HSPA13: variants seen among roughly 807,000 people sequenced by gnomAD.
The protein encoded by HSPA13 is heat shock protein family A (Hsp70) member 13, also known as heat shock 70 kDa protein 13.
HSPA13 carries 29 observed loss-of-function variants against 38.8 expected under a neutral mutation model. The ratio of observed to expected loss-of-function variants is 0.75; its 90% CI spans 0.56 to 1.02. The LOEUF (loss-of-function observed/expected upper bound fraction) is 1.02, where lower values mean the gene tolerates loss of function less well. HSPA13 is among the 50% of genes least tolerant of loss of function. The pLI is 0.00. For synonymous variants in HSPA13, 192 were observed against 205.3 expected (o/e 0.94, Z 0.56); for missense variants, 451 against 560.9 (o/e 0.80, Z 1.98).
chr21:14,373,120 G>A lies in HSPA13; in HGVS notation c.*497C>T, dbSNP rs1982867174. On this transcript the variant is annotated 3_prime_UTR_variant, in exon 5 of 5. Coordinates refer to ENST00000285667, the MANE Select transcript of HSPA13 (RefSeq NM_006948.5). ...GCAGTTACTGAATATTACGTATGCA[G>A]CTTATGCTAATAATACTGCTATCTT... The A allele has an allele frequency of 1.3e-5, 2 of 154,004 alleles. No homozygotes were observed. The highest frequency in any genetic ancestry group is 4.8e-5 in the African/African-American group (2 of 41,444). 9.5% of individuals were successfully genotyped at this position (154,004 alleles called of 1,614,324 possible).
At chr21:14,381,954 T>G (rs1258175810) in intron 1 of HSPA13, among the ~76,000 whole-genome samples, 1 of 152,222 alleles carries the variant, frequency 6.6e-6, no homozygotes, top group Non-Finnish European at 1.5e-5. Context: ...TCGATTATCT[T>G]TTTTTAAAAG....
chr21:14,379,367 T>C (rs1984111370), intron 2 of HSPA13, among the ~76,000 whole-genome samples: 1 of 152,194 alleles, frequency 6.6e-6, no homozygotes, highest in Admixed American at 6.5e-5. Context: ...ATTATAAGAA[T>C]GTTTTCTCAC....
In HSPA13 at chr21:14,372,499, C is replaced by T. The variant is rs1168036509; in HGVS notation, c.*1118G>A. ...TCCACATTAGATTTCCACGTTACTT[C>T]CAGTATTCACAAATTTTTTGCTTTC... On this transcript the variant is annotated 3_prime_UTR_variant, in exon 5 of 5. Transcript: ENST00000285667. 1 of 152,088 alleles carries T rather than the reference C, an allele frequency of 6.6e-6. No individual in the cohort carries two copies. The highest frequency in any genetic ancestry group is 1.5e-5 in the Non-Finnish European group (1 of 67,958). The allele number at this position is 152,088 out of a possible 1,614,324, so 9.4% of individuals were successfully genotyped here.
chr21:14,375,630 C>A, intron 4 of HSPA13, 22 bp downstream of exon 4: 1 of 1,607,814 alleles, frequency 6.2e-7, no homozygotes, highest in Non-Finnish European at 8.5e-7. Flanking sequence ...CTGCGCCCAG[C>A]CTCTCCCTGC....
chr21:14,381,835 T>C (rs1480829874), intron 1 of HSPA13, among the ~76,000 whole-genome samples: 1 of 152,186 alleles, frequency 6.6e-6, no homozygotes, highest in Non-Finnish European at 1.5e-5. Context: ...ATTTCAATAA[T>C]ATTTGTGCAG....
rs1568720497 is a variant in HSPA13, at chr21:14,371,573, G to A, written c.*2044C>T. ...TTATTAAAGGTGTAGCTATATACTA[G>A]AGAATATGCTCAACTACTGCCTCCA... On this transcript the variant is annotated 3_prime_UTR_variant, in exon 5 of 5. Coordinates refer to ENST00000285667, the MANE Select transcript of HSPA13 (RefSeq NM_006948.5). 3.3e-5 allele frequency: 5 copies of A among 151,990 alleles called. No homozygotes were observed. The highest frequency in any genetic ancestry group is 1.3e-4 in the Admixed American group (2 of 15,252). 9.4% of individuals were successfully genotyped at this position (151,990 alleles called of 1,614,324 possible).
chr21:14,378,146 T>G, intron 3 of HSPA13, 53 bp downstream of exon 3: 2 of 1,430,840 alleles, frequency 1.4e-6, no homozygotes, highest in Non-Finnish European at 2.0e-6. Flanking sequence ...ACAGAAGGTT[T>G]TCAACCCAAC....
intron 1 of HSPA13, among the ~76,000 whole-genome samples, chr21:14,382,703 G>C (rs950569997): frequency 2.6e-5 from 4 of 152,096 alleles, no homozygotes; most frequent in African/African-American, 9.7e-5. Context: ...TCCCTGAGCC[G>C]ACAGATCCGG....
rs577649746 is a variant in HSPA13, at chr21:14,371,148, A to C, written c.*2469T>G. 6.6e-6 allele frequency: 1 copy of C among 152,654 alleles called. No homozygotes were observed. The highest frequency in any genetic ancestry group is 2.1e-4 in the South Asian group (1 of 4,834). 9.5% of individuals were successfully genotyped at this position (152,654 alleles called of 1,614,324 possible). Reference sequence around the variant, plus strand: ...ACAAACTGCAAAATGGTATTTATTTACATTAAAACATGAATTGCCTGTATA... The same window carrying C: ...ACAAACTGCAAAATGGTATTTATTTCCATTAAAACATGAATTGCCTGTATA... On this transcript the variant is annotated 3_prime_UTR_variant, in exon 5 of 5. Transcript: ENST00000285667.
In HSPA13 at chr21:14,381,470, C is replaced by A; in HGVS notation, c.99G>T (p.Val33=). 1 of 1,614,144 alleles carries A rather than the reference C, an allele frequency of 6.2e-7. No homozygotes were observed. Residue 33 remains valine (V), a synonymous_variant, in exon 2 of 5, where the codon GTG becomes GTT. Coordinates refer to ENST00000285667, the MANE Select transcript of HSPA13 (RefSeq NM_006948.5). The part of the protein sequence containing the change: ...QQYLPLPTPK[V]IGIDLGTTYC... ...AGGTGGTGCCAAGATCAATACCAAT[C>A]ACTTTAGGAGTAGGCAATGGTAAAT...
At position 14,381,307 on chromosome 21, in the gene HSPA13, C is replaced by G; in HGVS notation, c.262G>C (p.Ala88Pro). 1 of 1,614,068 alleles carries G rather than the reference C, an allele frequency of 6.2e-7. No individual in the cohort carries two copies. The highest frequency in any genetic ancestry group is 1.1e-5 in the South Asian group (1 of 91,072). The change falls in exon 2 of 5, where the codon GCA becomes CCA. Residue 88 changes from alanine to proline, a missense_variant. Ala to Pro is a conservative substitution (Grantham distance 27, BLOSUM62 -1). Coordinates refer to ENST00000285667, the MANE Select transcript of HSPA13 (RefSeq NM_006948.5). ...ATTGTGTTTTGAGGATTTGAATCTG[C>G]CAGCTCTACGCTTTCATATCCCACA... ...VYVGYESVEL[A>P]DSNPQNTIYD...
chr21:14,375,597 G>A, intron 4 of HSPA13, 55 bp downstream of exon 4: 1 of 1,504,016 alleles, frequency 6.6e-7, no homozygotes, highest in Non-Finnish European at 9.1e-7. Context: ...CTCCCAAAGT[G>A]CTGGGATTAC....
intron 2 of HSPA13, among the ~76,000 whole-genome samples, chr21:14,378,767 G>A (rs1600805791): frequency 6.6e-6 from 1 of 151,758 alleles, no homozygotes; most frequent in Non-Finnish European, 1.5e-5. Flanking sequence ...GTACAGATGC[G>A]TGCCACCATG....
intron 4 of HSPA13, 61 bp downstream of exon 4, chr21:14,375,591 C>A: frequency 1.3e-6 from 2 of 1,483,844 alleles, no homozygotes; most frequent in South Asian, 1.2e-5. Context: ...CTCGGCCTCC[C>A]AAAGTGCTGG....
chr21:14,372,032 ATT>A lies in HSPA13; in HGVS notation c.*1583_*1584del, dbSNP rs1261497287. 2 of 152,380 alleles carry A rather than the reference ATT, an allele frequency of 1.3e-5. No homozygotes were observed. The highest frequency in any genetic ancestry group is 2.9e-5 in the Non-Finnish European group (2 of 67,942). 9.4% of individuals were successfully genotyped at this position (152,380 alleles called of 1,614,324 possible). Reference sequence around the variant, plus strand: ...CTATACACAAAAGTATTTGATTGAAATTTGTGTTTTAACAGCAATTTCATTGC... The same window carrying A: ...CTATACACAAAAGTATTTGATTGAAATGTGTTTTAACAGCAATTTCATTGC... On this transcript the variant is annotated 3_prime_UTR_variant, in exon 5 of 5. Coordinates refer to ENST00000285667, the MANE Select transcript of HSPA13 (RefSeq NM_006948.5).
intron 3 of HSPA13, among the ~76,000 whole-genome samples, chr21:14,377,883 A>G (rs1440644357): frequency 6.6e-6 from 1 of 152,236 alleles, no homozygotes; most frequent in Non-Finnish European, 1.5e-5. Flanking sequence ...GCCATAGACT[A>G]AAAGCTGCAC....
rs1982851917 is a variant in HSPA13 at position 14,372,545 on chromosome 21, TTGAA to T, written c.*1068_*1071del. On this transcript the variant is annotated 3_prime_UTR_variant, in exon 5 of 5. Coordinates refer to ENST00000285667, the MANE Select transcript of HSPA13 (RefSeq NM_006948.5). ...CTTTCATTACAAACTAACCTAATGT[TTGAA>T]AAGAGTCCAAGTGTGATTATTTAAA... 1 of 152,090 alleles carries T rather than the reference TTGAA, an allele frequency of 6.6e-6. No individual in the cohort carries two copies. Among genetic ancestry groups the T allele is most frequent in the South Asian group, 2.1e-4 (1 of 4,830 alleles). 9.4% of individuals were successfully genotyped at this position (152,090 alleles called of 1,614,324 possible).
chr21:14,373,391 C>A lies in HSPA13; in HGVS notation c.*226G>T. On this transcript the variant is annotated 3_prime_UTR_variant, in exon 5 of 5. Transcript: ENST00000285667. ...TAAGAGAGTTGTACCTCAATTTTAT[C>A]ATTTTAGAGTATTTGTTAGAATAGG... 1 of 481,690 alleles carries A rather than the reference C, an allele frequency of 2.1e-6. No homozygotes were observed. Among genetic ancestry groups the A allele is most frequent in the Non-Finnish European group, 3.7e-6 (1 of 272,516 alleles). The allele number at this position is 481,690 out of a possible 1,614,324, so 29.8% of individuals were successfully genotyped here. A position where few individuals can be genotyped will look rare whatever the true frequency, so the allele number is the denominator to read the frequency against.
At chr21:14,376,669 C>T (rs1349333544) in intron 3 of HSPA13, among the ~76,000 whole-genome samples, 2 of 152,204 alleles carry the variant, frequency 1.3e-5, no homozygotes, top group African/African-American at 2.4e-5. Flanking sequence ...GATTTTACCA[C>T]TTATTCTACT....
Sources: allele counts gnomAD v4.1 joint callset (sites outside exome capture counted in the v4.1 genomes callset), GRCh38; gene constraint gnomAD v4.1.1; transcripts MANE v1.5; gene names NCBI Gene and HGNC (gene_info 2026-07-23, HGNC 2026-07-21).